GLS: variants seen among roughly 807,000 people sequenced by gnomAD.
GLS encodes glutaminase kidney isoform, mitochondrial.
In GLS, 36 loss-of-function variants were observed where a neutral mutation model predicts 86.7. The observed-to-expected ratio is 0.42, with a 90% CI of 0.32 to 0.55. The LOEUF (loss-of-function observed/expected upper bound fraction) is 0.55. Among genes scored for constraint, GLS ranks in the 20% least tolerant of loss-of-function variants. The probability of loss-of-function intolerance (pLI) is 0.17; values close to 1 mark genes in which losing one functional copy is unlikely to be tolerated. For synonymous variants in GLS, 317 were observed against 305.9 expected, an observed-to-expected ratio of 1.04 and a Z score of -0.38; for missense variants, 528 against 833.4, an observed-to-expected ratio of 0.63 and a Z score of 4.51.
chr2:190,882,410 A>C (rs888025961), intron 1 of GLS, among the ~76,000 whole-genome samples: 4 of 152,190 alleles, frequency 2.6e-5, no homozygotes, highest in African/African-American at 9.6e-5. Context: ...GTCTTGTGTA[A>C]TACAAATGGA....
intron 1 of GLS, among the ~76,000 whole-genome samples, chr2:190,889,003 A>G (rs1343420238): frequency 6.6e-6 from 1 of 152,234 alleles, no homozygotes; most frequent in Non-Finnish European, 1.5e-5. Context: ...GCTAATGTGT[A>G]AAATAAAAGT....
chr2:190,963,027 T>C lies in GLS; in HGVS notation c.*41T>C. 3 of 1,366,060 alleles carry C rather than the reference T, an allele frequency of 2.2e-6. No homozygotes were observed. The highest frequency in any genetic ancestry group is 3.0e-6 in the Non-Finnish European group (3 of 987,210). 84.6% of individuals were successfully genotyped at this position (1,366,060 alleles called of 1,614,324 possible). On this transcript the variant is annotated 3_prime_UTR_variant, in exon 18 of 18. Coordinates refer to ENST00000320717, the MANE Select transcript of GLS (RefSeq NM_014905.5). ...AGATTTAAATCACTTACCTATTTAATTGTGGAAAATGATTATGAAGAACAT... is the reference window on the plus strand; with the variant it reads ...AGATTTAAATCACTTACCTATTTAACTGTGGAAAATGATTATGAAGAACAT...
In GLS at chr2:190,935,041, G is replaced by A. The variant is rs561540018; in HGVS notation, c.1650+3404G>A. The A allele has an allele frequency of 2.1e-6, 2 of 934,716 alleles. No homozygotes were observed. The highest frequency in any genetic ancestry group is 3.6e-5 in the African/African-American group (2 of 56,218). The allele number at this position is 934,716 out of a possible 1,614,324, so 57.9% of individuals were successfully genotyped here. ...GCCATTATTGATTCTTGATATTCAA[G>A]CATTTACAATGTAGCATATTTGATT... On this transcript the variant is annotated intron_variant, in intron 14 of 17. Transcript: ENST00000320717. This position sits in a 1 kb window ranked among gnomAD's most constrained non-coding sequence, Gnocchi z 4.2.
At chr2:190,911,894 G>A (rs941496819) in intron 7 of GLS, among the ~76,000 whole-genome samples, 3 of 151,990 alleles carry the variant, frequency 2.0e-5, no homozygotes, top group Non-Finnish European at 4.4e-5. Flanking sequence ...CATACACTAC[G>A]CATAGTCTCA....
At position 190,914,408 on chromosome 2, in the gene GLS, T is replaced by C. The variant is rs966926697; in HGVS notation, c.1038+4087T>C. Among the ~76,000 whole-genome samples, 8 of 152,026 alleles carry C rather than the reference T, an allele frequency of 5.3e-5. No individual in the cohort carries two copies. The highest frequency in any genetic ancestry group is 1.9e-4 in the African/African-American group (8 of 41,400). On this transcript the variant is annotated intron_variant, in intron 7 of 17. Transcript: ENST00000320717. This position sits in a 1 kb window ranked among gnomAD's most constrained non-coding sequence, Gnocchi z 4.4. ...GGATTATATTGGTTTATTTACTTCT[T>C]GTTTATATCAGTTTATGCTTTAGTT...
chr2:190,910,381 A>G, intron 7 of GLS, 60 bp downstream of exon 7: 1 of 784,726 alleles, frequency 1.3e-6, no homozygotes. Flanking sequence ...CAGCTAAGGC[A>G]TAAAGATGAA....
At chr2:190,888,769 T>A (rs1169365707) in intron 1 of GLS, among the ~76,000 whole-genome samples, 1 of 152,212 alleles carries the variant, frequency 6.6e-6, no homozygotes, top group South Asian at 2.1e-4. Context: ...AGGGTGGGTT[T>A]GTTCTTTTGT....
At chr2:190,942,519 T>TA (rs1168576370) in intron 14 of GLS, among the ~76,000 whole-genome samples, 1 of 152,052 alleles carries the variant, frequency 6.6e-6, no homozygotes, top group Non-Finnish European at 1.5e-5. Flanking sequence ...GTGAGAGAAA[T>TA]AGGTAAATAA....
chr2:190,957,122 G>A (rs998977146), intron 17 of GLS, among the ~76,000 whole-genome samples: 2 of 152,028 alleles, frequency 1.3e-5, no homozygotes, highest in East Asian at 1.9e-4. Context: ...CAAGAGTCTC[G>A]CTCTGTCAGC....
rs968818732 is a variant in GLS at position 190,938,290 on chromosome 2, T to C, written c.1650+6653T>C. On this transcript the variant is annotated intron_variant, in intron 14 of 17. Transcript: ENST00000320717. The surrounding 1 kb of genome is among the most constrained non-coding windows in gnomAD (Gnocchi z 4.1). The stretch of plus-strand genomic sequence containing the variant: ...GCTTAGCTTTTGAAAGAAAAAATTC[T>C]TACCCAAAGTAGTTTTTAAATTTCT... 1.3e-5 allele frequency among the ~76,000 whole-genome samples: 2 copies of C among 151,570 alleles called. No individual in the cohort carries two copies. The highest frequency in any genetic ancestry group is 2.4e-5 in the African/African-American group (1 of 41,424).
intron 1 of GLS, 115 bp downstream of exon 1, chr2:190,881,585 AAG>A (rs1688186280): frequency 3.0e-6 from 3 of 1,000,524 alleles, no homozygotes; most frequent in Admixed American, 3.2e-5. Context: ...AAGAGAAAGA[AAG>A]AGGTGCCGGG....
chr2:190,921,280 GAGGGAAATGAATGATTTCTAAATT>G lies in GLS; in HGVS notation c.1130+79_1130+102del, dbSNP rs755466019. 5 of 957,900 alleles carry G rather than the reference GAGGGAAATGAATGATTTCTAAATT, an allele frequency of 5.2e-6. No individual in the cohort carries two copies. The highest frequency in any genetic ancestry group is 5.1e-6 in the Non-Finnish European group (3 of 591,728). The allele number at this position is 957,900 out of a possible 1,614,324, so 59.3% of individuals were successfully genotyped here. ...GAATTGATCCACTCTCTTTTCATTGGAGGGAAATGAATGATTTCTAAATTACCTGACAGAAACACTTAAAAATAC... is the reference window on the plus strand; with the variant it reads ...GAATTGATCCACTCTCTTTTCATTGGACCTGACAGAAACACTTAAAAATAC... On this transcript the variant is annotated intron_variant, in intron 9 of 17. Transcript: ENST00000320717. The surrounding 1 kb of genome is among the most constrained non-coding windows in gnomAD (Gnocchi z 4.2).
chr2:190,900,594 A>G lies in GLS; in HGVS notation c.636A>G (p.Thr212=). Residue 212 remains threonine, a synonymous_variant, in exon 4 of 18, where the codon ACA becomes ACG. Transcript: ENST00000320717. ...KCVQSNIVLL[T]QAFRRKFVIP... is the part of the protein sequence containing the mutation. Reference sequence around the variant, plus strand: ...TTCAGAGCAACATTGTTTTGTTGACACAAGCATTTAGAAGAAAGTTTGTGA... The same window carrying G: ...TTCAGAGCAACATTGTTTTGTTGACGCAAGCATTTAGAAGAAAGTTTGTGA... 6.2e-7 allele frequency: 1 copy of G among 1,602,614 alleles called. No homozygotes were observed. Among genetic ancestry groups the G allele is most frequent in the African/African-American group, 1.3e-5 (1 of 74,852 alleles).
At chr2:190,929,173 TATCATTTGTCAAGTTTTGCTA>T (rs1690015523) in intron 12 of GLS, among the ~76,000 whole-genome samples, 1 of 151,566 alleles carries the variant, frequency 6.6e-6, no homozygotes, top group Non-Finnish European at 1.5e-5. Flanking sequence ...TTTTTTTTTT[TATCATTTGTCAAGTTTTGCTA>T]ATGTAACTTA....
intron 6 of GLS, among the ~76,000 whole-genome samples, chr2:190,908,198 C>T (rs970029912): frequency 2.0e-5 from 3 of 152,080 alleles, no homozygotes; most frequent in African/African-American, 7.2e-5. Context: ...TCCTTAACTC[C>T]AGTTTTTATT....
intron 1 of GLS, chr2:190,881,834 C>T (rs144644235): frequency 4.9e-6 from 1 of 202,634 alleles, no homozygotes; most frequent in Non-Finnish European, 9.9e-6. Flanking sequence ...GCCGCCCGCC[C>T]CAGCCATTCG....
intron 3 of GLS, among the ~76,000 whole-genome samples, chr2:190,899,984 A>G (rs371752052): frequency 2.0e-5 from 3 of 151,806 alleles, no homozygotes; most frequent in South Asian, 4.2e-4. Context: ...ACACTACTTC[A>G]TATGAAATTT....
At chr2:190,939,498 A>G (rs1690367453) in intron 14 of GLS, among the ~76,000 whole-genome samples, 1 of 151,782 alleles carries the variant, frequency 6.6e-6, no homozygotes, top group African/African-American at 2.4e-5. Context: ...AATAAAAATG[A>G]TGAAATATTA....
At chr2:190,896,700 T>C (rs1688755181) in intron 3 of GLS, 2 of 152,218 alleles carry the variant, frequency 1.3e-5, no homozygotes, top group African/African-American at 2.4e-5. Flanking sequence ...GGGTTTCTTA[T>C]CTTTTCACGA....
Sources: gnomAD v4.1 joint callset for allele counts (sites outside exome capture counted in the v4.1 genomes callset) on GRCh38, gnomAD v4.1.1 for gene constraint, Gnocchi (gnomAD v3.1) non-coding constraint, MANE v1.5 for transcripts, NCBI Gene and HGNC (gene_info 2026-07-23, HGNC 2026-07-21) for gene names.